Variants in FMN1 observed in about 807,000 individuals in gnomAD.
FMN1 encodes the protein formin-1.
In FMN1, 110 loss-of-function variants were observed where a neutral mutation model predicts 132.4. That is an observed-to-expected ratio of 0.83 (90% CI 0.71 to 0.97). FMN1 has a LOEUF of 0.97. Among genes scored for constraint, FMN1 ranks in the 50% least tolerant of loss-of-function variants. The pLI, the probability that FMN1 is intolerant of heterozygous loss-of-function variation, is 0.00. For synonymous variants in FMN1, 722 were observed against 651.7 expected (o/e 1.11, Z -1.64); for missense variants, 1,792 against 1,705.3 (o/e 1.05, Z -0.90).
intron 10 of FMN1, among the ~76,000 whole-genome samples, chr15:32,920,425 T>C (rs2060792144): frequency 1.3e-5 from 2 of 152,170 alleles, no homozygotes; most frequent in African/African-American, 4.8e-5. Context: ...GCTTTTCCTT[T>C]AGTGATTCAG....
At chr15:33,022,693 C>CT (rs1436577138) in intron 6 of FMN1, among the ~76,000 whole-genome samples, 2 of 152,222 alleles carry the variant, frequency 1.3e-5, no homozygotes, top group Non-Finnish European at 2.9e-5. Context: ...CTCTGGCCTG[C>CT]TGTGCCCCAG....
At chr15:32,794,530 G>T (rs1168064696) in intron 19 of FMN1, among the ~76,000 whole-genome samples, 1 of 151,742 alleles carries the variant, frequency 6.6e-6, no homozygotes, top group Admixed American at 6.6e-5. Flanking sequence ...GGAATGTTTT[G>T]TAAGTAAGGG....
intron 9 of FMN1, among the ~76,000 whole-genome samples, chr15:32,930,416 T>TC (rs916689398): frequency 3.3e-5 from 5 of 151,976 alleles, no homozygotes; most frequent in African/African-American, 1.2e-4. Flanking sequence ...TTTCAGTTTT[T>TC]TTTTTTTTGA....
Position 33,176,286 on chromosome 15 carries a change from T to C in FMN1, c.-132+3912A>G, listed in dbSNP as rs575932083. Among the ~76,000 whole-genome samples, 9 of 152,194 alleles carry C rather than the reference T, an allele frequency of 5.9e-5. No individual in the cohort carries two copies. In the East Asian group the frequency reaches 1.7e-3, roughly 29 times the overall value. Reference sequence around the variant, plus strand: ...ACTTTGGGAGGCCAAGGCAGGCAGATCACAAGGTCAGGAGTTCGAGACCAG... The same window carrying C: ...ACTTTGGGAGGCCAAGGCAGGCAGACCACAAGGTCAGGAGTTCGAGACCAG... On this transcript the variant is annotated intron_variant, in intron 3 of 20. Transcript: ENST00000616417.
intron 7 of FMN1, among the ~76,000 whole-genome samples, chr15:32,989,516 T>TC (rs1224730307): frequency 6.6e-6 from 1 of 151,220 alleles, no homozygotes; most frequent in Non-Finnish European, 1.5e-5. Context: ...CCATAATAAT[T>TC]CCCCACCCTT....
Position 32,771,352 on chromosome 15 carries a change from T to C in FMN1, c.*2958A>G, listed in dbSNP as rs935726320. The C allele has an allele frequency of 6.6e-6, 1 of 151,448 alleles. No individual in the cohort carries two copies. The highest frequency in any genetic ancestry group is 2.4e-5 in the African/African-American group (1 of 41,044). 9.4% of individuals were successfully genotyped at this position (151,448 alleles called of 1,614,324 possible). A position where few individuals can be genotyped will look rare whatever the true frequency, so the allele number is the denominator to read the frequency against. ...GCTTGGCCTCCCAAAGTGCTGGGAT[T>C]ATAGGCATGAGCCACCACGCCCGGC... On this transcript the variant is annotated 3_prime_UTR_variant, in exon 21 of 21. Transcript: ENST00000616417.
chr15:32,819,832 T>C (rs2058161529), intron 17 of FMN1, among the ~76,000 whole-genome samples: 1 of 152,200 alleles, frequency 6.6e-6, no homozygotes, highest in Non-Finnish European at 1.5e-5. Context: ...AATGCTGTTA[T>C]TATTGGCAAT....
intron 9 of FMN1, among the ~76,000 whole-genome samples, chr15:32,950,529 G>A (rs1387352171): frequency 6.6e-6 from 1 of 152,174 alleles, no homozygotes; most frequent in Non-Finnish European, 1.5e-5. Context: ...ATGAGATCAT[G>A]ACTTTGCAGG....
chr15:32,776,884 G>A lies in FMN1; in HGVS notation c.4166C>T (p.Thr1389Ile). ...KMAQESVSKL[T>I]SEKKVETKKI... ...CTTTGTCTCCACTTTCTTCTCTGAAGTCAACTTGCTGACTGATTCCTGAGC... is the reference window on the plus strand; with the variant it reads ...CTTTGTCTCCACTTTCTTCTCTGAAATCAACTTGCTGACTGATTCCTGAGC... The change falls in exon 20 of 21, where the codon ACT (threonine) becomes ATT (isoleucine). Residue 1389 changes from threonine to isoleucine, a missense_variant. Coordinates refer to ENST00000616417, the MANE Select transcript of FMN1 (RefSeq NM_001277313.2). 1 of 1,596,838 alleles carries A rather than the reference G, an allele frequency of 6.3e-7. No individual in the cohort carries two copies. The highest frequency in any genetic ancestry group is 2.2e-5 in the East Asian group (1 of 44,640).
intron 12 of FMN1, among the ~76,000 whole-genome samples, chr15:32,905,146 T>C (rs1402147736): frequency 6.6e-6 from 1 of 152,222 alleles, no homozygotes; most frequent in Non-Finnish European, 1.5e-5. Flanking sequence ...TTCTAATATA[T>C]GAAAGACGTT....
In FMN1 at chr15:32,768,094, G is replaced by GT. The variant is rs1294355551; in HGVS notation, c.*6215dup. ...TACTGGGAAGAGCAGTATAATTTTT[G>GT]TATGCTATAAACTCCTTTTTATACA... On this transcript the variant is annotated 3_prime_UTR_variant, in exon 21 of 21. Transcript: ENST00000616417. The GT allele has an allele frequency of 6.6e-6, 1 of 152,114 alleles. No individual in the cohort carries two copies. The highest frequency in any genetic ancestry group is 1.5e-5 in the Non-Finnish European group (1 of 68,012). 9.4% of individuals were successfully genotyped at this position (152,114 alleles called of 1,614,324 possible).
intron 15 of FMN1, among the ~76,000 whole-genome samples, chr15:32,891,277 T>C (rs985039755): frequency 2.9e-4 from 44 of 152,230 alleles, no homozygotes; most frequent in African/African-American, 1.0e-3. Flanking sequence ...AGACGGAGTC[T>C]CGCTCTGTCG....
intron 9 of FMN1, among the ~76,000 whole-genome samples, chr15:32,928,287 G>A (rs187570860): frequency 6.6e-6 from 1 of 151,650 alleles, no homozygotes; most frequent in Non-Finnish European, 1.5e-5. Context: ...AACAGAAATA[G>A]AGAAGGTACT....
intron 4 of FMN1, among the ~76,000 whole-genome samples, chr15:33,148,250 C>G (rs1177113928): frequency 6.6e-6 from 1 of 152,196 alleles, no homozygotes; most frequent in Non-Finnish European, 1.5e-5. Context: ...AAAACTGTAG[C>G]CACTACTTCC....
intron 15 of FMN1, among the ~76,000 whole-genome samples, chr15:32,893,690 G>A (rs1168606037): frequency 6.6e-6 from 1 of 152,232 alleles, no homozygotes; most frequent in African/African-American, 2.4e-5. Context: ...AATGCATTTT[G>A]CACAGTAAAA....
At chr15:33,108,494 G>A (rs931746994) in intron 4 of FMN1, among the ~76,000 whole-genome samples, 26 of 151,748 alleles carry the variant, frequency 1.7e-4, no homozygotes, top group African/African-American at 6.1e-4. Context: ...TAGATTGCAA[G>A]GTAGATAACA....
intron 7 of FMN1, among the ~76,000 whole-genome samples, chr15:32,977,323 T>C (rs1254856803): frequency 1.3e-5 from 2 of 152,192 alleles, no homozygotes; most frequent in Admixed American, 1.3e-4. Flanking sequence ...TCCCATGCAA[T>C]ATATTTTAGG....
At chr15:32,923,394 G>A (rs2060881209) in intron 10 of FMN1, among the ~76,000 whole-genome samples, 1 of 152,226 alleles carries the variant, frequency 6.6e-6, no homozygotes, top group South Asian at 2.1e-4. Context: ...GCCAGTGTCA[G>A]TCAATGACTC....
chr15:32,964,494 T>A (rs2030991569), intron 8 of FMN1, among the ~76,000 whole-genome samples: 1 of 152,182 alleles, frequency 6.6e-6, no homozygotes, highest in Admixed American at 6.5e-5. Flanking sequence ...TTAGCTACGA[T>A]CAAAGATAGA....
Sources: allele counts gnomAD v4.1 joint callset (sites outside exome capture counted in the v4.1 genomes callset), GRCh38; gene constraint gnomAD v4.1.1; transcripts MANE v1.5; gene names NCBI Gene and HGNC (gene_info 2026-07-23, HGNC 2026-07-21).